Variants in NR5A2 observed in about 807,000 individuals in gnomAD.
NR5A2 encodes nuclear receptor subfamily 5 group A member 2, also known as CYP7A promoter-binding factor.
Under a neutral mutation model 62.7 loss-of-function variants are expected in NR5A2, and 26 were observed. The ratio of observed to expected loss-of-function variants is 0.41; its 90% confidence interval spans 0.30 to 0.58. NR5A2 has a LOEUF of 0.58. NR5A2 is among the 20% of genes least tolerant of loss of function. The probability of loss-of-function intolerance (pLI) is 0.22; values close to 1 mark genes in which losing one functional copy is unlikely to be tolerated. For missense variants in NR5A2, 541 were observed against 669.1 expected (o/e 0.81, Z 2.11); for synonymous variants, 246 against 241.7 (o/e 1.02, Z -0.16).
intron 6 of NR5A2, among the ~76,000 whole-genome samples, chr1:200,114,882 C>A (rs554142330): frequency 9.9e-5 from 15 of 152,276 alleles, no homozygotes; most frequent in African/African-American, 3.6e-4. Context: ...ACATGCCATA[C>A]CGTTTATCTG....
chr1:200,117,242 A>T (rs1666260371), intron 6 of NR5A2, among the ~76,000 whole-genome samples: 1 of 152,248 alleles, frequency 6.6e-6, no homozygotes, highest in Non-Finnish European at 1.5e-5. Flanking sequence ...TCTGCATTCA[A>T]CAATGAAAAT....
intron 5 of NR5A2, among the ~76,000 whole-genome samples, chr1:200,109,888 C>T (rs1665860417): frequency 6.6e-6 from 1 of 152,162 alleles, no homozygotes; most frequent in Non-Finnish European, 1.5e-5. Flanking sequence ...CCTCAGCCTC[C>T]CAAGTAGCTG....
chr1:200,120,710 C>T (rs1666440902), intron 6 of NR5A2, 98 bp from the exon 7 acceptor site: 5 of 1,254,482 alleles, frequency 4.0e-6, no homozygotes, highest in Middle Eastern at 2.0e-4. Flanking sequence ...TTTTAAAAAC[C>T]TGTATTGCAA....
At chr1:200,060,272 T>A (rs1663141139) in intron 5 of NR5A2, among the ~76,000 whole-genome samples, 1 of 152,128 alleles carries the variant, frequency 6.6e-6, no homozygotes, top group Non-Finnish European at 1.5e-5. Context: ...CATTTACCCT[T>A]CAGGTGAAAT....
intron 5 of NR5A2, among the ~76,000 whole-genome samples, chr1:200,108,759 G>T (rs908191529): frequency 1.3e-5 from 2 of 152,144 alleles, no homozygotes; most frequent in Non-Finnish European, 2.9e-5. Context: ...TAGTGTATGA[G>T]AATATAATAA....
At chr1:200,046,475 T>A (rs1662369109) in intron 4 of NR5A2, among the ~76,000 whole-genome samples, 1 of 152,188 alleles carries the variant, frequency 6.6e-6, no homozygotes, top group Non-Finnish European at 1.5e-5. Flanking sequence ...AGAGTGCATT[T>A]TATTTGATCA....
chr1:200,101,661 C>T (rs1214889763), intron 5 of NR5A2, among the ~76,000 whole-genome samples: 1 of 152,140 alleles, frequency 6.6e-6, no homozygotes, highest in Non-Finnish European at 1.5e-5. Context: ...AAAATAGTCC[C>T]ATTACCTGTT....
intron 5 of NR5A2, among the ~76,000 whole-genome samples, chr1:200,110,643 C>G (rs1665897249): frequency 6.6e-6 from 1 of 152,154 alleles, no homozygotes; most frequent in South Asian, 2.1e-4. Context: ...CTCTTCAGTC[C>G]AGCACAATCG....
chr1:200,122,182 C>T (rs776956678), intron 7 of NR5A2, among the ~76,000 whole-genome samples: 4 of 152,024 alleles, frequency 2.6e-5, no homozygotes, highest in Non-Finnish European at 2.9e-5. Context: ...GTATTAACCA[C>T]AATAAAAAGG....
At chr1:200,172,273 C>T (rs2816926) in intron 7 of NR5A2, among the ~76,000 whole-genome samples, 148,287 of 152,322 alleles carry the variant, frequency 0.97, 72,259 homozygotes, top group East Asian at 1. Flanking sequence ...GGATACATAG[C>T]CATACTTATA....
At chr1:200,090,168 C>T (rs11806491) in intron 5 of NR5A2, among the ~76,000 whole-genome samples, 406 of 152,330 alleles carry the variant, frequency 2.7e-3, no homozygotes, top group African/African-American at 9.3e-3. Flanking sequence ...CTCTCACAAA[C>T]TCTAGCACAG....
At chr1:200,084,913 A>G (rs1007344396) in intron 5 of NR5A2, among the ~76,000 whole-genome samples, 5 of 152,252 alleles carry the variant, frequency 3.3e-5, no homozygotes, top group Non-Finnish European at 4.4e-5. Context: ...ATACTGCTAC[A>G]GTCTAATACA....
chr1:200,097,889 C>A (rs1665173911), intron 5 of NR5A2, among the ~76,000 whole-genome samples: 1 of 152,166 alleles, frequency 6.6e-6, no homozygotes, highest in Non-Finnish European at 1.5e-5. Flanking sequence ...ATAAGACACA[C>A]CCTCTTCAGA....
chr1:200,091,674 C>T (rs1382878079), intron 5 of NR5A2, among the ~76,000 whole-genome samples: 1 of 151,818 alleles, frequency 6.6e-6, no homozygotes, highest in African/African-American at 2.4e-5. Flanking sequence ...TAATAGAGAT[C>T]GGGTTTCACC....
chr1:200,133,318 C>T (rs895511311), intron 7 of NR5A2, among the ~76,000 whole-genome samples: 4 of 152,040 alleles, frequency 2.6e-5, no homozygotes, highest in African/African-American at 7.2e-5. Context: ...CACTTTGACT[C>T]TCTCCACTTT....
chr1:200,160,623 A>G (rs2102378859), intron 7 of NR5A2, among the ~76,000 whole-genome samples: 1 of 152,266 alleles, frequency 6.6e-6, no homozygotes, highest in East Asian at 1.9e-4. Context: ...CTTTAAGCTA[A>G]TATTTTTAAC....
intron 5 of NR5A2, chr1:200,057,518 GC>G: frequency 8.1e-6 from 2 of 248,008 alleles, no homozygotes; most frequent in South Asian, 3.6e-5. Flanking sequence ...TCACTCTGTC[GC>G]CCAGTCTGGA....
chr1:200,103,339 G>A (rs913516079), intron 5 of NR5A2, among the ~76,000 whole-genome samples: 7 of 151,984 alleles, frequency 4.6e-5, no homozygotes, highest in African/African-American at 9.7e-5. Flanking sequence ...TGGCCAGGCC[G>A]GTCTCAAACT....
intron 4 of NR5A2, among the ~76,000 whole-genome samples, chr1:200,045,786 A>G (rs573407093): frequency 1.3e-5 from 2 of 152,300 alleles, no homozygotes; most frequent in South Asian, 4.1e-4. Context: ...AAAAAAATTT[A>G]AAATATTAGT....
Sources: allele counts gnomAD v4.1 joint callset (sites outside exome capture counted in the v4.1 genomes callset), GRCh38; gene constraint gnomAD v4.1.1; transcripts MANE v1.5; gene names NCBI Gene and HGNC (gene_info 2026-07-23, HGNC 2026-07-21).